The following ARMC8 variants were observed in gnomAD, a reference collection of about 807,000 sequenced individuals.
ARMC8 encodes armadillo repeat containing 8.
ARMC8 carries 20 observed loss-of-function variants against 99.3 expected under a neutral mutation model. The ratio of observed to expected loss-of-function variants is 0.20; its 90% CI spans 0.14 to 0.29. ARMC8 has a LOEUF of 0.29. Ranked by LOEUF, ARMC8 falls within the 10% of genes least tolerant of loss-of-function variation. ARMC8 has a pLI of 1.00. For synonymous variants in ARMC8, 263 were observed against 278.3 expected (o/e 0.95, Z 0.55); for missense variants, 569 against 809.5 (o/e 0.70, Z 3.60).
chr3:138,192,578 T>C (rs1408931037), intron 1 of ARMC8, among the ~76,000 whole-genome samples: 2 of 152,128 alleles, frequency 1.3e-5, no homozygotes, highest in African/African-American at 4.8e-5. Context: ...TTTGAGACAG[T>C]CTTGCACTGT....
At chr3:138,221,673 T>C (rs774760507) in intron 2 of ARMC8, among the ~76,000 whole-genome samples, 16 of 152,174 alleles carry the variant, frequency 1.1e-4, no homozygotes, top group Admixed American at 7.9e-4. Flanking sequence ...GTACCCTTTC[T>C]AGAAGAACTC....
chr3:138,215,303 G>C (rs1344923613), intron 2 of ARMC8, among the ~76,000 whole-genome samples: 1 of 151,818 alleles, frequency 6.6e-6, no homozygotes, highest in African/African-American at 2.4e-5. Flanking sequence ...TGCAACCTCT[G>C]CCTCCCGGGT....
At chr3:138,229,320 G>A (rs2045916665) in intron 6 of ARMC8, among the ~76,000 whole-genome samples, 1 of 147,336 alleles carries the variant, frequency 6.8e-6, no homozygotes, top group South Asian at 2.1e-4. Flanking sequence ...CAGTACATAA[G>A]GACCTCTCCC....
In ARMC8 at chr3:138,210,745, G is replaced by A. The variant is rs529417434; in HGVS notation, c.122+852G>A. ...CAAATAGTACTTTAACTTGTGCTTA[G>A]CCATGGCAAGGCTGGGATGCTTTGT... is the stretch of plus-strand genomic sequence containing the variant. On this transcript the variant is annotated intron_variant, in intron 2 of 21. Coordinates refer to ENST00000469044, the MANE Select transcript of ARMC8 (RefSeq NM_001363941.2). Among the ~76,000 whole-genome samples the A allele has an allele frequency of 5.3e-5, 8 of 152,114 alleles. 1 individual carries two copies. Among genetic ancestry groups the A allele is most frequent in the African/African-American group, 1.9e-4 (8 of 41,506 alleles).
chr3:138,248,063 A>C (rs541904437), intron 12 of ARMC8, among the ~76,000 whole-genome samples: 1 of 152,260 alleles, frequency 6.6e-6, no homozygotes, highest in Admixed American at 6.5e-5. Flanking sequence ...CATACTTGAA[A>C]ATTTCTTAAT....
At chr3:138,228,216 G>A (rs2045796052) in intron 5 of ARMC8, among the ~76,000 whole-genome samples, 2 of 152,232 alleles carry the variant, frequency 1.3e-5, no homozygotes, top group African/African-American at 4.8e-5. Context: ...CTTACCTGAG[G>A]AGATCTGCCC....
rs777071552 is a variant in ARMC8, at chr3:138,223,692, A to G, written c.394A>G (p.Ile132Val). 6.2e-7 allele frequency: 1 copy of G among 1,614,196 alleles called. No individual in the cohort carries two copies. The highest frequency in any genetic ancestry group is 8.5e-7 in the Non-Finnish European group (1 of 1,180,024). ...IEACLRCLRT[I>V]FTSPVTPEEL... Reference sequence around the variant, plus strand: ...AGCTTGCCTCCGATGCCTGCGTACCATCTTCACCAGTCCTGTCACTCCAGA... The same window carrying G: ...AGCTTGCCTCCGATGCCTGCGTACCGTCTTCACCAGTCCTGTCACTCCAGA... The change falls in exon 5 of 22, where the codon ATC (isoleucine) becomes GTC (valine). Residue 132 changes from isoleucine (I) to valine (V), a missense_variant. This residue lies in a region of ARMC8 where 342 missense variants were observed against 391.6 expected (regional missense o/e 0.87). Coordinates refer to ENST00000469044, the MANE Select transcript of ARMC8 (RefSeq NM_001363941.2).
chr3:138,262,722 C>G (rs1202332512), intron 12 of ARMC8: 1 of 893,030 alleles, frequency 1.1e-6, no homozygotes, highest in Non-Finnish European at 1.6e-6. Context: ...TCTGCAAGGA[C>G]AACCAAGGTT....
At chr3:138,208,953 C>T (rs2044544414) in intron 1 of ARMC8, among the ~76,000 whole-genome samples, 1 of 152,234 alleles carries the variant, frequency 6.6e-6, no homozygotes, top group East Asian at 1.9e-4. Flanking sequence ...GGGTGGCCTA[C>T]AGATCACTCT....
chr3:138,202,022 G>A (rs1170630793), intron 1 of ARMC8, among the ~76,000 whole-genome samples: 3 of 152,048 alleles, frequency 2.0e-5, no homozygotes, highest in South Asian at 2.1e-4. Context: ...CATAATTCCT[G>A]GTAAATTAAT....
chr3:138,191,831 G>A (rs1343094208), intron 1 of ARMC8, among the ~76,000 whole-genome samples: 1 of 152,274 alleles, frequency 6.6e-6, no homozygotes, highest in East Asian at 1.9e-4. Context: ...GTTGTATGTA[G>A]CAGTAGTTCC....
chr3:138,198,710 C>T (rs1039030616), intron 1 of ARMC8, among the ~76,000 whole-genome samples: 6 of 151,894 alleles, frequency 4.0e-5, no homozygotes, highest in Admixed American at 6.6e-5. Flanking sequence ...GCCGAGGTTT[C>T]ACTGTGTTAG....
chr3:138,285,888 C>A (rs768150599), intron 19 of ARMC8, among the ~76,000 whole-genome samples: 1 of 152,174 alleles, frequency 6.6e-6, no homozygotes, highest in Non-Finnish European at 1.5e-5. Flanking sequence ...AAAAGTTTTC[C>A]TTAACTTCTC....
intron 6 of ARMC8, among the ~76,000 whole-genome samples, chr3:138,233,304 AG>A: frequency 6.6e-6 from 1 of 152,370 alleles, no homozygotes; most frequent in Non-Finnish European, 1.5e-5. Context: ...TGACAAAAAC[AG>A]GTTTGCACCA....
intron 12 of ARMC8, among the ~76,000 whole-genome samples, chr3:138,253,654 C>T (rs1269965175): frequency 6.6e-6 from 1 of 152,206 alleles, no homozygotes; most frequent in Admixed American, 6.5e-5. Context: ...CCATTTCTCT[C>T]ACATAGCTTT....
intron 6 of ARMC8, among the ~76,000 whole-genome samples, chr3:138,230,135 CAA>C (rs1226625769): frequency 6.6e-6 from 1 of 152,170 alleles, no homozygotes; most frequent in East Asian, 1.9e-4. Flanking sequence ...ATTACGTTGA[CAA>C]AGTGTGGGCC....
intron 1 of ARMC8, among the ~76,000 whole-genome samples, chr3:138,190,709 T>A (rs376127087): frequency 6.6e-6 from 1 of 152,236 alleles, no homozygotes; most frequent in African/African-American, 2.4e-5. Context: ...TTTGTACATA[T>A]GAATTTTAAC....
chr3:138,286,739 T>C (rs1354419325), intron 19 of ARMC8, among the ~76,000 whole-genome samples: 1 of 152,182 alleles, frequency 6.6e-6, no homozygotes, highest in African/African-American at 2.4e-5. Flanking sequence ...TTGAGAACCA[T>C]TGCCTTAGGA....
chr3:138,283,098 C>G (rs1044091710), intron 18 of ARMC8, among the ~76,000 whole-genome samples: 1 of 152,178 alleles, frequency 6.6e-6, no homozygotes, highest in African/African-American at 2.4e-5. Flanking sequence ...AGCTATTGGA[C>G]TATACAATTT....
Sources: gnomAD v4.1 joint callset for allele counts (sites outside exome capture counted in the v4.1 genomes callset) on GRCh38, gnomAD v4.1.1 for gene constraint, gnomAD v4.1.1 regional missense constraint, MANE v1.5 for transcripts, NCBI Gene and HGNC (gene_info 2026-07-23, HGNC 2026-07-21) for gene names.